Variants in MVB12A observed in about 807,000 individuals in gnomAD.
MVB12A encodes the protein CIN85/CD2AP family binding protein.
MVB12A carries 30 observed loss-of-function variants against 34.3 expected under a neutral mutation model. The ratio of observed to expected loss-of-function variants is 0.88; its 90% CI spans 0.65 to 1.19. The LOEUF is 1.19. Among genes scored for constraint, MVB12A ranks in the 50% most tolerant of loss-of-function variants. The pLI, the probability that MVB12A is intolerant of heterozygous loss-of-function variation, is 0.00. For synonymous variants in MVB12A, 158 were observed against 158.9 expected, an observed-to-expected ratio of 0.99 and a Z score of 0.04; for missense variants, 355 against 369.2, an observed-to-expected ratio of 0.96 and a Z score of 0.31.
chr19:17,418,013 C>T (rs2074812448), upstream of MVB12A: 1 of 164,424 alleles, frequency 6.1e-6, no homozygotes, highest in Non-Finnish European at 1.3e-5. Flanking sequence ...TCTCCTGCCT[C>T]AGGCTCCCGA....
chr19:17,421,069 T>C (rs1197053740), intron 3 of MVB12A: 1 of 461,968 alleles, frequency 2.2e-6, no homozygotes, highest in African/African-American at 2.0e-5. Context: ...CCCCTCCTCT[T>C]CTGGGCCCAC....
chr19:17,412,985 G>A (rs1048862354), intron 2 of MVB12A: 2 of 152,118 alleles, frequency 1.3e-5, no homozygotes, highest in Admixed American at 1.3e-4. Flanking sequence ...GTTTACGGGA[G>A]GCTGGACATC....
chr19:17,424,136 G>A, intron 7 of MVB12A, 69 bp downstream of exon 7: 2 of 1,465,810 alleles, frequency 1.4e-6, no homozygotes, highest in South Asian at 1.1e-5. Flanking sequence ...GGACATCCCT[G>A]TATCCAGTGC....
chr19:17,420,578 T>G lies in MVB12A; in HGVS notation c.230T>G (p.Val77Gly), dbSNP rs1218441614. 1 of 1,614,058 alleles carries G rather than the reference T, an allele frequency of 6.2e-7. No individual in the cohort carries two copies. The highest frequency in any genetic ancestry group is 1.1e-5 in the South Asian group (1 of 91,074). ...GTGGTGGCCGATATCCAGATCGTGG[T>G]GGACAAGAGCCCCCTGCCGCTGGGC... ...ENVVADIQIV[V>G]DKSPLPLGFS... The change falls in exon 3 of 9, where the codon GTG becomes GGG. Residue 77 changes from valine (V) to glycine (G), a missense_variant. Val to Gly is a moderately radical substitution (Grantham distance 109). Coordinates refer to ENST00000317040, the MANE Select transcript of MVB12A (RefSeq NM_138401.4).
chr19:17,424,023 T>A lies in MVB12A; in HGVS notation c.658T>A (p.Phe220Ile). Reference protein sequence around the residue: ...YGISAMDGVPFTLHPRFEGKS... With the variant: ...YGISAMDGVPITLHPRFEGKS... Reference sequence around the variant, plus strand: ...TTTTTCAGCCATGGATGGGGTTCCCTTCACACTCCACCCACGATTTGAGGG... The same window carrying A: ...TTTTTCAGCCATGGATGGGGTTCCCATCACACTCCACCCACGATTTGAGGG... Residue 220 changes from phenylalanine (F) to isoleucine (I), a missense_variant, in exon 7 of 9, where the codon TTC becomes ATC. Coordinates refer to ENST00000317040, the MANE Select transcript of MVB12A (RefSeq NM_138401.4). The A allele has an allele frequency of 6.2e-7, 1 of 1,614,090 alleles. No individual in the cohort carries two copies. The highest frequency in any genetic ancestry group is 8.5e-7 in the Non-Finnish European group (1 of 1,180,024).
rs1375228737 is a variant in MVB12A, at chr19:17,425,055, C to G, written c.*62C>G. 7 of 841,434 alleles carry G rather than the reference C, an allele frequency of 8.3e-6. No individual in the cohort carries two copies. The highest frequency in any genetic ancestry group is 7.9e-5 in the South Asian group (5 of 63,268). 52.1% of individuals were successfully genotyped at this position (841,434 alleles called of 1,614,324 possible). A position where few individuals can be genotyped will look rare whatever the true frequency, so the allele number is the denominator to read the frequency against. The stretch of plus-strand genomic sequence containing the variant: ...ACCTCCCCGCCAGCCTGGGGCCACC[C>G]CCCCTCACTGCATCCTGGGGCCACC... On this transcript the variant is annotated 3_prime_UTR_variant, in exon 9 of 9. Transcript: ENST00000317040.
chr19:17,416,889 T>TG (rs1568389485), upstream of MVB12A: 1 of 169,494 alleles, frequency 5.9e-6, no homozygotes, highest in Non-Finnish European at 1.3e-5. Context: ...TTAGTAGAGA[T>TG]GGGGTTTCAC....
chr19:17,423,224 G>A (rs1401168281), intron 4 of MVB12A, among the ~76,000 whole-genome samples: 2 of 150,136 alleles, frequency 1.3e-5, no homozygotes, highest in Non-Finnish European at 3.0e-5. Context: ...AATTAGCTGG[G>A]CATGGTTGCC....
chr19:17,410,927 CAAA>C (rs777154734), intron 2 of MVB12A, among the ~76,000 whole-genome samples: 1 of 86,508 alleles, frequency 1.2e-5, no homozygotes, highest in South Asian at 4.5e-4. Context: ...GACTCTGTCT[CAAA>C]AAAAAAAAAA....
Position 17,422,451 on chromosome 19 carries a change from C to T in MVB12A, c.406C>T (p.Arg136Ter), listed in dbSNP as rs747744397. 6.8e-6 allele frequency: 11 copies of T among 1,611,744 alleles called. No individual in the cohort carries two copies. The highest frequency in any genetic ancestry group is 1.7e-5 in the Admixed American group (1 of 59,826). ...GKTKTVPGYL[R>*]IGDMGGFAIW... ...GACCAAGACAGTGCCTGGATACCTT[C>T]GAATAGGGTAGGGCCACCCCCCAGT... Residue 136 changes from arginine to a stop codon, truncating the protein, a stop_gained, in exon 4 of 9, where the codon CGA (arginine) becomes TGA (stop). Coordinates refer to ENST00000317040, the MANE Select transcript of MVB12A (RefSeq NM_138401.4). LOFTEE classifies it high-confidence loss of function.
At chr19:17,410,494 CTT>C (rs1568387278) in intron 2 of MVB12A, among the ~76,000 whole-genome samples, 1 of 14,322 alleles carries the variant, frequency 7.0e-5, no homozygotes, top group African/African-American at 2.9e-4. Context: ...TTGGTTTTAG[CTT>C]CATATATATA....
intron 2 of MVB12A, among the ~76,000 whole-genome samples, chr19:17,410,591 C>CATATATAT (rs1568387503): frequency 1.6e-5 from 2 of 128,256 alleles, no homozygotes; most frequent in African/African-American, 7.1e-5. Flanking sequence ...TATATATACA[C>CATATATAT]ACATATATAT....
At chr19:17,416,700 G>C (rs1209579136), upstream of MVB12A, among the ~76,000 whole-genome samples, 1 of 144,658 alleles carries the variant, frequency 6.9e-6, no homozygotes, top group Non-Finnish European at 1.5e-5. Context: ...GTGACACTGT[G>C]CCTGGTCTCA....
At position 17,425,170 on chromosome 19, in the gene MVB12A, G is replaced by T; in HGVS notation, c.*177G>T. Reference sequence around the variant, plus strand: ...GAGCTGCAGCCCTGGAGGAGGGGGCGGGTCGAGGCTGCGTGGTGATGGGGT... The same window carrying T: ...GAGCTGCAGCCCTGGAGGAGGGGGCTGGTCGAGGCTGCGTGGTGATGGGGT... On this transcript the variant is annotated 3_prime_UTR_variant, in exon 9 of 9. Transcript: ENST00000317040. The T allele has an allele frequency of 1.8e-6, 1 of 557,386 alleles. No individual in the cohort carries two copies. The highest frequency in any genetic ancestry group is 3.2e-6 in the Non-Finnish European group (1 of 316,222). 34.5% of individuals were successfully genotyped at this position (557,386 alleles called of 1,614,324 possible).
chr19:17,423,395 A>G, intron 4 of MVB12A, 103 bp from the exon 5 acceptor site: 2 of 1,353,212 alleles, frequency 1.5e-6, no homozygotes, highest in Non-Finnish European at 2.0e-6. Flanking sequence ...CCCAAAAGAC[A>G]GAGGTCACCT....
intron 2 of MVB12A, among the ~76,000 whole-genome samples, chr19:17,412,240 TTTTC>T (rs1018664133): frequency 1.1e-4 from 16 of 152,118 alleles, no homozygotes; most frequent in Non-Finnish European, 2.4e-4. Context: ...GGGCCTCTGC[TTTTC>T]TTTCTCTCTC....
In MVB12A at chr19:17,423,704, T is replaced by A. The variant is rs2074852607; in HGVS notation, c.545T>A (p.Leu182His). The A allele has an allele frequency of 1.9e-6, 3 of 1,613,788 alleles. No homozygotes were observed. In the South Asian group the frequency reaches 3.3e-5, roughly 18 times the overall value. Residue 182 changes from leucine (L) to histidine (H), a missense_variant, in exon 6 of 9, where the codon CTC becomes CAC. Leu to His is a moderately conservative substitution (Grantham distance 99). Transcript: ENST00000317040. ...DAASQPSKGGLLERTASRLGS... is the reference protein window; with the variant it reads ...DAASQPSKGGHLERTASRLGS... ...CATCCCACCTCCAGTAAGGGCGGCC[T>A]CCTGGAGCGGACAGCGTCAAGGCTG...
In MVB12A at chr19:17,425,318, T is replaced by A. The variant is rs2074865457; in HGVS notation, c.*325T>A. ...CGGGTGTCCTCCTGGCAATAAACAC[T>A]ACCCGGTTCTCGCCCTCTGGAGTCC... is the stretch of plus-strand genomic sequence containing the variant. On this transcript the variant is annotated 3_prime_UTR_variant, in exon 9 of 9. Transcript: ENST00000317040. The A allele has an allele frequency of 3.1e-6, 1 of 323,440 alleles. No homozygotes were observed. The highest frequency in any genetic ancestry group is 4.8e-5 in the Admixed American group (1 of 20,862). The allele number at this position is 323,440 out of a possible 1,614,324, so 20.0% of individuals were successfully genotyped here.
intron 3 of MVB12A, chr19:17,421,265 A>G (rs1599607330): frequency 6.0e-6 from 2 of 335,120 alleles, no homozygotes; most frequent in South Asian, 2.3e-5. Flanking sequence ...GCTCACCACA[A>G]CCTCCGACTC....
Sources: allele counts gnomAD v4.1 joint callset (sites outside exome capture counted in the v4.1 genomes callset), GRCh38; gene constraint gnomAD v4.1.1; transcripts MANE v1.5; gene names NCBI Gene and HGNC (gene_info 2026-07-23, HGNC 2026-07-21).